Variants in GPATCH2 observed in about 807,000 individuals in gnomAD.
GPATCH2 encodes the protein G patch domain-containing protein 2.
In GPATCH2, 51 loss-of-function variants were observed where a neutral mutation model predicts 58.0. That is an observed-to-expected ratio of 0.88 (90% CI 0.70 to 1.11). GPATCH2 has a LOEUF of 1.11. GPATCH2 is among the 50% of genes most tolerant of loss of function. The pLI, the probability that GPATCH2 is intolerant of heterozygous loss-of-function variation, is 0.00. For missense variants in GPATCH2, 625 were observed against 652.2 expected (o/e 0.96, Z 0.45); for synonymous variants, 222 against 218.5 (o/e 1.02, Z -0.14).
intron 6 of GPATCH2, among the ~76,000 whole-genome samples, chr1:217,512,220 G>A (rs904652715): frequency 1.3e-5 from 2 of 152,142 alleles, no homozygotes; most frequent in Non-Finnish European, 2.9e-5. Flanking sequence ...TACCTGTGGA[G>A]CTGAGGCCAG....
intron 5 of GPATCH2, among the ~76,000 whole-genome samples, chr1:217,605,947 G>C (rs1235966401): frequency 6.6e-6 from 1 of 152,026 alleles, no homozygotes; most frequent in African/African-American, 2.4e-5. Context: ...CATATCCCTT[G>C]AAATTAATGA....
chr1:217,469,105 T>C (rs751421677), intron 8 of GPATCH2, among the ~76,000 whole-genome samples: 1 of 152,178 alleles, frequency 6.6e-6, no homozygotes, highest in Non-Finnish European at 1.5e-5. Context: ...TCATGGAGTC[T>C]GCATAGACCC....
intron 3 of GPATCH2, among the ~76,000 whole-genome samples, chr1:217,612,977 A>T (rs968023692): frequency 6.6e-6 from 1 of 152,156 alleles, no homozygotes; most frequent in African/African-American, 2.4e-5. Context: ...ATATCATTCT[A>T]AGCCTTTCCA....
chr1:217,547,999 C>T (rs1015440338), intron 5 of GPATCH2, among the ~76,000 whole-genome samples: 3 of 152,156 alleles, frequency 2.0e-5, no homozygotes, highest in African/African-American at 7.2e-5. Context: ...CTTCCTTTTG[C>T]CTTCTGCCAT....
intron 6 of GPATCH2, among the ~76,000 whole-genome samples, chr1:217,506,150 G>A (rs777923737): frequency 6.6e-6 from 1 of 152,098 alleles, no homozygotes; most frequent in Non-Finnish European, 1.5e-5. Context: ...AGGCATATAC[G>A]GTTTCATAAC....
chr1:217,520,848 CTTAT>C (rs1394690809), intron 5 of GPATCH2, among the ~76,000 whole-genome samples: 3 of 151,976 alleles, frequency 2.0e-5, no homozygotes, highest in African/African-American at 7.3e-5. Flanking sequence ...AGTGTATTTA[CTTAT>C]TTGAGACAAG....
In GPATCH2 at chr1:217,581,421, C is replaced by T. The variant is rs778029795; in HGVS notation, c.1098+28900G>A. The stretch of plus-strand genomic sequence containing the variant: ...AGCTAAAAGAGGTTAAGGATTTAGA[C>T]GGTTTCTATAGCTAATTAGTTGCAT... On this transcript the variant is annotated intron_variant, in intron 5 of 9. Transcript: ENST00000366935. 3.9e-5 allele frequency among the ~76,000 whole-genome samples: 6 copies of T among 152,282 alleles called. 1 individual carries two copies. Among genetic ancestry groups the T allele is most frequent in the South Asian group, 4.1e-4 (2 of 4,826 alleles).
chr1:217,539,989 C>A (rs1321675905), intron 5 of GPATCH2, among the ~76,000 whole-genome samples: 1 of 152,106 alleles, frequency 6.6e-6, no homozygotes, highest in East Asian at 1.9e-4. Flanking sequence ...ATAGGTTGGA[C>A]ATAAAAATTG....
In GPATCH2 at chr1:217,618,070, C is replaced by T. The variant is rs571734709; in HGVS notation, c.773+1713G>A. ...TATCAGCTGCCACATACTCTCCCTC[C>T]CGGTAATTGAGTCAGACAATTACTT... is the stretch of plus-strand genomic sequence containing the variant. On this transcript the variant is annotated intron_variant, in intron 2 of 9. Coordinates refer to ENST00000366935, the MANE Select transcript of GPATCH2 (RefSeq NM_018040.5). Among the ~76,000 whole-genome samples the T allele has an allele frequency of 2.6e-5, 4 of 152,156 alleles. No homozygotes were observed. The South Asian group carries it at 6.2e-4, about 24-fold the overall frequency.
At chr1:217,455,648 G>A (rs1288443912) in intron 8 of GPATCH2, among the ~76,000 whole-genome samples, 2 of 152,134 alleles carry the variant, frequency 1.3e-5, no homozygotes, top group Admixed American at 6.5e-5. Context: ...TGCCTAGTGT[G>A]AGTGAGCCAC....
At chr1:217,627,186 T>G (rs1482720868) in intron 1 of GPATCH2, among the ~76,000 whole-genome samples, 2 of 152,060 alleles carry the variant, frequency 1.3e-5, no homozygotes, top group East Asian at 3.9e-4. Flanking sequence ...GGGTACTTAA[T>G]GTTCAAGGTA....
At chr1:217,572,097 C>T (rs1314651487) in intron 5 of GPATCH2, among the ~76,000 whole-genome samples, 1 of 151,824 alleles carries the variant, frequency 6.6e-6, no homozygotes, top group African/African-American at 2.4e-5. Flanking sequence ...AAGAAATGTG[C>T]AAGTATTTGT....
chr1:217,575,772 G>A (rs1267841282), intron 5 of GPATCH2, among the ~76,000 whole-genome samples: 1 of 152,016 alleles, frequency 6.6e-6, no homozygotes, highest in Non-Finnish European at 1.5e-5. Context: ...AAAATGTAAG[G>A]GTAATCAGAA....
intron 5 of GPATCH2, among the ~76,000 whole-genome samples, chr1:217,569,758 G>A (rs1453001517): frequency 6.6e-6 from 1 of 152,056 alleles, no homozygotes; most frequent in Non-Finnish European, 1.5e-5. Flanking sequence ...TACACGATAT[G>A]GAATGAAGCC....
At chr1:217,547,878 T>C (rs1347538664) in intron 5 of GPATCH2, among the ~76,000 whole-genome samples, 1 of 152,146 alleles carries the variant, frequency 6.6e-6, no homozygotes, top group Non-Finnish European at 1.5e-5. Flanking sequence ...CCCTTTGCTG[T>C]TGGGGAAGTG....
chr1:217,493,140 A>C lies in GPATCH2; in HGVS notation c.1207-1390T>G, dbSNP rs188835216. On this transcript the variant is annotated intron_variant, in intron 7 of 9. Coordinates refer to ENST00000366935, the MANE Select transcript of GPATCH2 (RefSeq NM_018040.5). ...GACCACCATTTTCTCTGTCCTGGAA[A>C]AGTCTCCCAAATGATCTCCCTGCTT... Among the ~76,000 whole-genome samples, 6 of 152,212 alleles carry C rather than the reference A, an allele frequency of 3.9e-5. No homozygotes were observed. The East Asian group carries it at 9.7e-4, about 25-fold the overall frequency.
At chr1:217,575,124 A>T (rs1361377288) in intron 5 of GPATCH2, among the ~76,000 whole-genome samples, 1 of 152,208 alleles carries the variant, frequency 6.6e-6, no homozygotes, top group Admixed American at 6.5e-5. Context: ...CATATCAATG[A>T]GGAATAAAGA....
At chr1:217,458,265 C>T (rs533982510) in intron 8 of GPATCH2, among the ~76,000 whole-genome samples, 2 of 152,260 alleles carry the variant, frequency 1.3e-5, no homozygotes, top group African/African-American at 4.8e-5. Flanking sequence ...ATATGGTATG[C>T]TTCATGCTTT....
At chr1:217,518,054 A>G (rs570089492) in intron 5 of GPATCH2, among the ~76,000 whole-genome samples, 3 of 152,278 alleles carry the variant, frequency 2.0e-5, no homozygotes, top group African/African-American at 7.2e-5. Context: ...ATATTACTAT[A>G]TAAATAACGA....
Sources: gnomAD v4.1 joint callset for allele counts (sites outside exome capture counted in the v4.1 genomes callset) on GRCh38, gnomAD v4.1.1 for gene constraint, MANE v1.5 for transcripts, NCBI Gene and HGNC (gene_info 2026-07-23, HGNC 2026-07-21) for gene names.